The following GAK variants were observed in gnomAD, a reference collection of about 807,000 sequenced individuals.
The protein encoded by GAK is cyclin G associated kinase.
A neutral mutation model predicts 143.9 loss-of-function variants in GAK; 79 were observed. The observed-to-expected ratio is 0.55, with a 90% CI of 0.46 to 0.66. The LOEUF (loss-of-function observed/expected upper bound fraction) is 0.66, where lower values mean the gene tolerates loss of function less well. Ranked by LOEUF, GAK falls within the 30% of genes least tolerant of loss-of-function variation. The pLI is 0.00. For synonymous variants in GAK, 881 were observed against 765.5 expected, an observed-to-expected ratio of 1.15 and a Z score of -2.49; for missense variants, 1,693 against 1,779.7, an observed-to-expected ratio of 0.95 and a Z score of 0.88.
intron 21 of GAK, 22 bp from the exon 22 acceptor site, chr4:866,556 G>T: frequency 6.2e-7 from 1 of 1,609,794 alleles, no homozygotes. Flanking sequence ...GGCGGGCATG[G>T]GGAGGACTCA....
Position 882,688 on chromosome 4 carries a change from C to G in GAK, c.1527+9G>C, listed in dbSNP as rs373356211. 7 of 1,610,736 alleles carry G rather than the reference C, an allele frequency of 4.3e-6. No individual in the cohort carries two copies. Among genetic ancestry groups the G allele is most frequent in the Non-Finnish European group, 5.9e-6 (7 of 1,179,840 alleles). On this transcript the variant is annotated intron_variant, in intron 14 of 27. Coordinates refer to ENST00000314167, the MANE Select transcript of GAK (RefSeq NM_005255.4). Reference sequence around the variant, plus strand: ...GAAGACGGCGCCAGCCCACGGCCCTCGAGCTCACCATGCAGTGCACGACGC... The same window carrying G: ...GAAGACGGCGCCAGCCCACGGCCCTGGAGCTCACCATGCAGTGCACGACGC...
At position 919,184 on chromosome 4, in the gene GAK, G is replaced by A. The variant is rs117653038; in HGVS notation, c.146-5516C>T. 2.0e-5 allele frequency among the ~76,000 whole-genome samples: 3 copies of A among 150,584 alleles called. No homozygotes were observed. In the East Asian group the frequency reaches 5.9e-4, roughly 30 times the overall value. On this transcript the variant is annotated intron_variant, in intron 1 of 27. Coordinates refer to ENST00000314167, the MANE Select transcript of GAK (RefSeq NM_005255.4). Reference sequence around the variant, plus strand: ...CTTAGCAGGACAGAAGGCTCCAAAGGTCTCAGTGTTGCATGACCTTAGCAG... The same window carrying A: ...CTTAGCAGGACAGAAGGCTCCAAAGATCTCAGTGTTGCATGACCTTAGCAG...
At chr4:919,674 C>T (rs928833152) in intron 1 of GAK, among the ~76,000 whole-genome samples, 2 of 152,230 alleles carry the variant, frequency 1.3e-5, no homozygotes, top group East Asian at 3.9e-4. Context: ...TGCACCTGCC[C>T]ATCCCAGCCA....
chr4:891,268 C>CTT (rs773128359), intron 9 of GAK, among the ~76,000 whole-genome samples: 3 of 142,384 alleles, frequency 2.1e-5, no homozygotes, highest in African/African-American at 2.6e-5. Flanking sequence ...GGCTTTTTTT[C>CTT]TTTTTTTTTT....
At chr4:909,923 G>A (rs1377086630) in intron 4 of GAK, among the ~76,000 whole-genome samples, 1 of 152,044 alleles carries the variant, frequency 6.6e-6, no homozygotes, top group Non-Finnish European at 1.5e-5. Context: ...GCCTGCAGGC[G>A]GCTCTGACCA....
intron 12 of GAK, 151 bp from the exon 13 acceptor site, chr4:883,614 C>A: frequency 1.2e-6 from 1 of 841,500 alleles, no homozygotes; most frequent in East Asian, 2.6e-5. Context: ...CCCTCACCCT[C>A]CGTGGACTCC....
Position 877,523 on chromosome 4 carries a change from G to A in GAK, c.1856+92C>T, listed in dbSNP as rs532704650. 5.1e-5 allele frequency: 68 copies of A among 1,335,886 alleles called. 1 individual carries two copies. The East Asian group carries it at 1.4e-3, about 27-fold the overall frequency. 82.8% of individuals were successfully genotyped at this position (1,335,886 alleles called of 1,614,324 possible). On this transcript the variant is annotated intron_variant, in intron 16 of 27. Coordinates refer to ENST00000314167, the MANE Select transcript of GAK (RefSeq NM_005255.4). ...TCCAAACACGTCCGCCTCAGCAAGC[G>A]CCTGTCCCCGGCAAGGCCAGGGTTC...
At chr4:896,771 C>T (rs902046511) in intron 6 of GAK, among the ~76,000 whole-genome samples, 4 of 152,272 alleles carry the variant, frequency 2.6e-5, no homozygotes, top group African/African-American at 9.6e-5. Flanking sequence ...CTGAGTCATT[C>T]ACCTCCCTCA....
In GAK at chr4:877,677, G is replaced by C; in HGVS notation, c.1794C>G (p.Phe598Leu). 6.2e-7 allele frequency: 1 copy of C among 1,611,078 alleles called. No individual in the cohort carries two copies. The highest frequency in any genetic ancestry group is 8.5e-7 in the Non-Finnish European group (1 of 1,179,076). ...FSKQRSGCRP[F>L]CEVYVGDERV... Reference sequence around the variant, plus strand: ...GCTCGTCCCCCACGTAGACCTCGCAGAAGGGCCTGCAGCCGCTCCTCTGCT... The same window carrying C: ...GCTCGTCCCCCACGTAGACCTCGCACAAGGGCCTGCAGCCGCTCCTCTGCT... The change falls in exon 16 of 28, where the codon TTC becomes TTG. Residue 598 changes from phenylalanine to leucine, a missense_variant. Physicochemically the swap from Phe to Leu is conservative, Grantham distance 22. Around this residue, in one of 2 missense-constraint regions of GAK, gnomAD observed 871 missense variants for 991.0 expected, o/e 0.88. Coordinates refer to ENST00000314167, the MANE Select transcript of GAK (RefSeq NM_005255.4).
chr4:897,045 C>A (rs537495981), intron 6 of GAK, among the ~76,000 whole-genome samples: 14 of 152,198 alleles, frequency 9.2e-5, no homozygotes, highest in African/African-American at 2.9e-4. Context: ...GAGGCACTTG[C>A]GAGAGGCAGA....
At chr4:913,584 G>C in intron 2 of GAK, 23 bp downstream of exon 2, 1 of 1,589,324 alleles carries the variant, frequency 6.3e-7, no homozygotes, top group Non-Finnish European at 8.6e-7. Flanking sequence ...GAAATCCAGA[G>C]AAGGCGTTAA....
intron 18 of GAK, 40 bp downstream of exon 18, chr4:876,490 A>G: frequency 1.9e-6 from 3 of 1,563,154 alleles, no homozygotes; most frequent in Middle Eastern, 1.7e-4. Context: ...GGCACAGGGC[A>G]CCTGTCCCTC....
intron 24 of GAK, among the ~76,000 whole-genome samples, chr4:854,916 G>C (rs1748868535): frequency 2.0e-5 from 3 of 152,140 alleles, no homozygotes. Flanking sequence ...GTGGTGGCGG[G>C]TGCCTGTAGT....
At chr4:906,812 C>T (rs1455567846) in intron 4 of GAK, among the ~76,000 whole-genome samples, 2 of 152,186 alleles carry the variant, frequency 1.3e-5, no homozygotes, top group Non-Finnish European at 2.9e-5. Flanking sequence ...TCAGGGTCTC[C>T]CCCACGCTGC....
At chr4:911,019 G>A (rs897639704) in intron 4 of GAK, among the ~76,000 whole-genome samples, 2 of 151,992 alleles carry the variant, frequency 1.3e-5, no homozygotes, top group East Asian at 1.9e-4. Context: ...GACATCCCCC[G>A]CAGTCACTCA....
intron 21 of GAK, 45 bp from the exon 22 acceptor site, chr4:866,579 G>A (rs1365924524): frequency 1.3e-5 from 21 of 1,588,424 alleles, no homozygotes; most frequent in Non-Finnish European, 1.6e-5. Flanking sequence ...CCGGCTGCCT[G>A]AAGACAAAGG....
Position 896,836 on chromosome 4 carries a change from C to T in GAK, c.652-287G>A, listed in dbSNP as rs140200892. Among the ~76,000 whole-genome samples, 56 of 152,390 alleles carry T rather than the reference C, an allele frequency of 3.7e-4. No homozygotes were observed. In the East Asian group the frequency reaches 8.7e-3, roughly 24 times the overall value. On this transcript the variant is annotated intron_variant, in intron 6 of 27. Coordinates refer to ENST00000314167, the MANE Select transcript of GAK (RefSeq NM_005255.4). ...ATGTCGGCACCGACGTATTGGCCTG[C>T]TGCGCACCAAGTCCGCTTGCTGAGG... is the stretch of plus-strand genomic sequence containing the variant.
At chr4:898,268 G>T in intron 5 of GAK, 110 bp from the exon 6 acceptor site, 3 of 1,299,580 alleles carry the variant, frequency 2.3e-6, no homozygotes, top group Non-Finnish European at 2.2e-6. Context: ...GACAGCACTC[G>T]CCCAGGGCCA....
At chr4:877,932 C>T in intron 15 of GAK, 123 bp from the exon 16 acceptor site, 1 of 727,700 alleles carries the variant, frequency 1.4e-6, no homozygotes, top group Non-Finnish European at 2.2e-6. Context: ...GTTTTAGTTG[C>T]TCCTAACAAA....
Sources: allele counts gnomAD v4.1 joint callset (sites outside exome capture counted in the v4.1 genomes callset), GRCh38; gene constraint gnomAD v4.1.1; regional missense constraint gnomAD v4.1.1; transcripts MANE v1.5; gene names NCBI Gene and HGNC (gene_info 2026-07-23, HGNC 2026-07-21).